STARD13: variants seen among roughly 807,000 people sequenced by gnomAD.
The protein encoded by STARD13 is stAR-related lipid transfer protein 13.
STARD13 carries 62 observed loss-of-function variants against 106.4 expected under a neutral mutation model. The ratio of observed to expected loss-of-function variants is 0.58; its 90% confidence interval spans 0.48 to 0.72. The LOEUF (loss-of-function observed/expected upper bound fraction) is 0.72, where lower values mean the gene tolerates loss of function less well. Ranked by LOEUF, STARD13 falls within the 30% of genes least tolerant of loss-of-function variation. STARD13 has a pLI of 0.00. For missense variants in STARD13, 1,387 were observed against 1,424.0 expected, an observed-to-expected ratio of 0.97 and a Z score of 0.42; for synonymous variants, 565 against 553.0, an observed-to-expected ratio of 1.02 and a Z score of -0.31.
At chr13:33,300,135 C>A (rs1347184808) in intron 1 of STARD13, among the ~76,000 whole-genome samples, 1 of 152,132 alleles carries the variant, frequency 6.6e-6, no homozygotes, top group African/African-American at 2.4e-5. Context: ...TAAGCTTGGA[C>A]AAATCAAATT....
chr13:33,289,498 AAGCAAGTGCAG>A (rs1361438837), upstream of STARD13, among the ~76,000 whole-genome samples: 1 of 152,182 alleles, frequency 6.6e-6, no homozygotes, highest in Non-Finnish European at 1.5e-5. Flanking sequence ...GTCACAAAGC[AAGCAAGTGCAG>A]AGCCTTTGTG....
chr13:33,630,507 G>T, the STARD13 span, among the ~76,000 whole-genome samples: 3 of 150,584 alleles, frequency 2.0e-5, no homozygotes, highest in African/African-American at 7.3e-5. Flanking sequence ...CGTACCTTGC[G>T]TGCAGAGATT....
the STARD13 span, among the ~76,000 whole-genome samples, chr13:33,555,439 A>T: frequency 6.6e-6 from 1 of 152,236 alleles, no homozygotes; most frequent in African/African-American, 2.4e-5. Flanking sequence ...GAATGGCCTT[A>T]TTAGGTGTAA....
intron 1 of STARD13, among the ~76,000 whole-genome samples, chr13:33,210,714 G>A (rs1351526760): frequency 2.5e-4 from 38 of 152,180 alleles, no homozygotes; most frequent in Admixed American, 2.4e-3. Context: ...TTGTATTAAT[G>A]CCTGCAATTT....
the STARD13 span, among the ~76,000 whole-genome samples, chr13:33,665,577 A>G: frequency 6.6e-6 from 1 of 152,312 alleles, no homozygotes; most frequent in South Asian, 2.1e-4. Flanking sequence ...GTTAATTTTG[A>G]TGGAAAGACA....
At chr13:33,204,396 C>T (rs931828562) in intron 1 of STARD13, among the ~76,000 whole-genome samples, 3 of 152,202 alleles carry the variant, frequency 2.0e-5, no homozygotes. Flanking sequence ...TTTCCTTCCT[C>T]TCATTTTTCA....
the STARD13 span, chr13:33,654,759 T>G: frequency 6.6e-6 from 1 of 152,216 alleles, no homozygotes; most frequent in Non-Finnish European, 1.5e-5. Context: ...GATTTTACCT[T>G]GGTTAGTCAG....
chr13:33,546,686 C>G, the STARD13 span, among the ~76,000 whole-genome samples: 1 of 151,934 alleles, frequency 6.6e-6, no homozygotes, highest in Non-Finnish European at 1.5e-5. Flanking sequence ...CTCTGTCGCC[C>G]AGGCTGCAGT....
the STARD13 span, among the ~76,000 whole-genome samples, chr13:33,579,050 G>T: frequency 2.0e-5 from 3 of 152,064 alleles, no homozygotes; most frequent in African/African-American, 7.2e-5. Flanking sequence ...TAAACTGCTG[G>T]GGGGAATGTA....
chr13:33,527,367 C>T, the STARD13 span, among the ~76,000 whole-genome samples: 1 of 151,950 alleles, frequency 6.6e-6, no homozygotes, highest in Non-Finnish European at 1.5e-5. Flanking sequence ...TGTAAGGTTG[C>T]TATGAATAGG....
chr13:33,624,284 T>A, the STARD13 span, among the ~76,000 whole-genome samples: 2 of 152,202 alleles, frequency 1.3e-5, no homozygotes, highest in Non-Finnish European at 2.9e-5. Flanking sequence ...GCAGTACTAA[T>A]CAGCAATAAA....
chr13:33,516,983 T>C, the STARD13 span, among the ~76,000 whole-genome samples: 3 of 151,440 alleles, frequency 2.0e-5, no homozygotes, highest in African/African-American at 7.3e-5. Context: ...AAAAGTAATA[T>C]GTCAGTAATT....
intron 1 of STARD13, among the ~76,000 whole-genome samples, chr13:33,294,785 C>G (rs1892424932): frequency 6.6e-6 from 1 of 152,166 alleles, no homozygotes; most frequent in Non-Finnish European, 1.5e-5. Context: ...CTATAACCTC[C>G]TCCCATCTTG....
the STARD13 span, among the ~76,000 whole-genome samples, chr13:33,386,920 GAC>G: frequency 1.3e-5 from 2 of 152,158 alleles, no homozygotes; most frequent in Non-Finnish European, 2.9e-5. Flanking sequence ...GCTGAGAACA[GAC>G]AGGGATTTTT....
At position 33,285,658 on chromosome 13, in the gene STARD13, C is replaced by T; in HGVS notation, c.-20G>A. On this transcript the variant is annotated 5_prime_UTR_variant, in exon 1 of 14. Coordinates refer to ENST00000336934, the MANE Select transcript of STARD13 (RefSeq NM_178006.4). ...GAACATCTCGGCAGATTTCCTATTG[C>T]CACCTCAGTCTGCCTGTGGCTGTTG... The T allele has an allele frequency of 6.2e-7, 1 of 1,610,600 alleles. No homozygotes were observed. The highest frequency in any genetic ancestry group is 8.5e-7 in the Non-Finnish European group (1 of 1,179,026).
the STARD13 span, among the ~76,000 whole-genome samples, chr13:33,446,248 T>C: frequency 1.3e-5 from 2 of 152,126 alleles, no homozygotes; most frequent in Non-Finnish European, 2.9e-5. Flanking sequence ...GCAGGAAAGT[T>C]CCCAAAACTT....
chr13:33,549,999 A>G, the STARD13 span, among the ~76,000 whole-genome samples: 1 of 152,186 alleles, frequency 6.6e-6, no homozygotes, highest in Non-Finnish European at 1.5e-5. Flanking sequence ...ATGCTGATCA[A>G]GAAACTTTTT....
the STARD13 span, among the ~76,000 whole-genome samples, chr13:33,606,179 T>C: frequency 6.6e-6 from 1 of 152,130 alleles, no homozygotes; most frequent in Non-Finnish European, 1.5e-5. Flanking sequence ...CAGGTATCTG[T>C]AATCCTAGCT....
the STARD13 span, among the ~76,000 whole-genome samples, chr13:33,366,639 G>T: frequency 6.6e-6 from 1 of 152,156 alleles, no homozygotes; most frequent in Non-Finnish European, 1.5e-5. This position sits in a 1 kb window ranked among gnomAD's most constrained non-coding sequence, Gnocchi z 4.2. Context: ...ATTCTGGGAA[G>T]TTTCCCCCTT....
Sources: gnomAD v4.1 joint callset for allele counts (sites outside exome capture counted in the v4.1 genomes callset) on GRCh38, gnomAD v4.1.1 for gene constraint, Gnocchi (gnomAD v3.1) non-coding constraint, MANE v1.5 for transcripts, NCBI Gene and HGNC (gene_info 2026-07-23, HGNC 2026-07-21) for gene names.